Variants in FBXL3 observed in about 807,000 individuals in gnomAD.
FBXL3 encodes the protein F-box/LRR-repeat protein 3.
A neutral mutation model predicts 37.9 loss-of-function variants in FBXL3; 14 were observed. That is an observed-to-expected ratio of 0.37 (90% CI 0.24 to 0.58). FBXL3 has a LOEUF of 0.58. FBXL3 is among the 20% of genes least tolerant of loss of function. The pLI is 0.74. For synonymous variants in FBXL3, 194 were observed against 180.1 expected (o/e 1.08, Z -0.62); for missense variants, 327 against 511.1 (o/e 0.64, Z 3.47).
chr13:77,013,780 TC>T (rs1460842023), intron 4 of FBXL3: 1 of 152,118 alleles, frequency 6.6e-6, no homozygotes, highest in African/African-American at 2.4e-5. Context: ...TCATTGCAAT[TC>T]CCATCTTGAT....
chr13:77,012,625 T>A (rs934897546), intron 4 of FBXL3, among the ~76,000 whole-genome samples: 1 of 152,174 alleles, frequency 6.6e-6, no homozygotes, highest in Non-Finnish European at 1.5e-5. Context: ...AGAAAATTGA[T>A]TAAATGTTCA....
rs1280969853 is a variant in FBXL3 at position 77,017,938 on chromosome 13, T to C, written c.471+662A>G. ...AAAATATCAAATTATTGTTGGATAC[T>C]AACCTATTAACCATTAGCTAACATA... On this transcript the variant is annotated intron_variant, in intron 3 of 4. Coordinates refer to ENST00000355619, the MANE Select transcript of FBXL3 (RefSeq NM_012158.4). The C allele has an allele frequency of 2.6e-5, 4 of 152,246 alleles. No homozygotes were observed. In the East Asian group the frequency reaches 7.7e-4, roughly 29 times the overall value. The allele number at this position is 152,246 out of a possible 1,614,324, so 9.4% of individuals were successfully genotyped here. A position where few individuals can be genotyped will look rare whatever the true frequency, so the allele number is the denominator to read the frequency against.
chr13:77,009,507 G>A (rs1277519922), intron 4 of FBXL3: 2 of 152,044 alleles, frequency 1.3e-5, no homozygotes, highest in East Asian at 3.9e-4. Context: ...TATATACTTT[G>A]AAATATACTC....
At chr13:77,021,483 A>T in intron 2 of FBXL3, 30 bp downstream of exon 2, 1 of 1,529,884 alleles carries the variant, frequency 6.5e-7, no homozygotes, top group Non-Finnish European at 8.9e-7. Context: ...AAAATACTTT[A>T]TTTTTTAAAA....
intron 1 of FBXL3, among the ~76,000 whole-genome samples, chr13:77,024,603 T>C (rs527674099): frequency 1.3e-5 from 2 of 152,328 alleles, no homozygotes; most frequent in East Asian, 3.9e-4. Context: ...AAATAGAAAC[T>C]TTCTTTTGTC....
At position 77,021,758 on chromosome 13, in the gene FBXL3, C is replaced by T. The variant is rs2034748081; in HGVS notation, c.103G>A (p.Asp35Asn). The T allele has an allele frequency of 6.2e-7, 1 of 1,613,656 alleles. No homozygotes were observed. The highest frequency in any genetic ancestry group is 1.3e-5 in the African/African-American group (1 of 74,940). ...RTTNEHSQTCDWGNLLQDIIL... is the reference protein window; with the variant it reads ...RTTNEHSQTCNWGNLLQDIIL... ...ATGTCCTGAAGGAGATTACCCCAAT[C>T]ACAAGTCTGAGAATGCTCATTTGTA... The change falls in exon 2 of 5, where the codon GAT (aspartate) becomes AAT (asparagine). Residue 35 changes from aspartate (D) to asparagine (N), a missense_variant. Coordinates refer to ENST00000355619, the MANE Select transcript of FBXL3 (RefSeq NM_012158.4).
rs1593936340 is a variant in FBXL3 at position 77,023,286 on chromosome 13, A to C, written c.-1-1425T>G. Among the ~76,000 whole-genome samples, 10 of 152,128 alleles carry C rather than the reference A, an allele frequency of 6.6e-5. No homozygotes were observed. In the South Asian group the frequency reaches 2.1e-3, roughly 32 times the overall value. ...GCAATCCTTCCACCTCAGCCTCCAG[A>C]GTATCTGCATGCACCACCACACCCG... On this transcript the variant is annotated intron_variant, in intron 1 of 4. Coordinates refer to ENST00000355619, the MANE Select transcript of FBXL3 (RefSeq NM_012158.4).
At chr13:77,010,895 T>C (rs1012425586) in intron 4 of FBXL3, 3 of 152,246 alleles carry the variant, frequency 2.0e-5, no homozygotes, top group African/African-American at 7.2e-5. Context: ...TAAATGGGTG[T>C]TGGTTTAAGC....
chr13:77,007,069 T>C lies in FBXL3; in HGVS notation c.*76A>G, dbSNP rs1039635264. On this transcript the variant is annotated 3_prime_UTR_variant, in exon 5 of 5. Transcript: ENST00000355619. The stretch of plus-strand genomic sequence containing the variant: ...TCTGTGCCACAAAATAGTAGAATTA[T>C]ATCAGAACTACAGCAAATAAAACTT... 6.0e-6 allele frequency: 9 copies of C among 1,496,932 alleles called. No individual in the cohort carries two copies. The highest frequency in any genetic ancestry group is 8.0e-6 in the Non-Finnish European group (9 of 1,131,450). 92.7% of individuals were successfully genotyped at this position (1,496,932 alleles called of 1,614,324 possible).
intron 1 of FBXL3, chr13:77,026,377 G>A (rs1293073138): frequency 1.3e-5 from 13 of 985,086 alleles, no homozygotes; most frequent in Non-Finnish European, 1.3e-5. Context: ...TTTCTCATGC[G>A]CCCCACCCTG....
chr13:77,006,820 C>A lies in FBXL3; in HGVS notation c.*325G>T. ...TAGAGAATATAACATTTCAGAAAACCTATTAGTACTTCTTGGATATTATAA... is the reference window on the plus strand; with the variant it reads ...TAGAGAATATAACATTTCAGAAAACATATTAGTACTTCTTGGATATTATAA... On this transcript the variant is annotated 3_prime_UTR_variant, in exon 5 of 5. Coordinates refer to ENST00000355619, the MANE Select transcript of FBXL3 (RefSeq NM_012158.4). 1 of 1,058,012 alleles carries A rather than the reference C, an allele frequency of 9.5e-7. No individual in the cohort carries two copies. The highest frequency in any genetic ancestry group is 3.8e-5 in the South Asian group (1 of 26,336). 65.5% of individuals were successfully genotyped at this position (1,058,012 alleles called of 1,614,324 possible). A position where few individuals can be genotyped will look rare whatever the true frequency, so the allele number is the denominator to read the frequency against.
intron 4 of FBXL3, chr13:77,014,600 TAGG>T (rs1566229150): frequency 2.6e-5 from 4 of 152,206 alleles, no homozygotes; most frequent in African/African-American, 9.6e-5. Flanking sequence ...AATCATTTCT[TAGG>T]AGAAGGCTGA....
chr13:77,007,786 T>C lies in FBXL3; in HGVS notation c.646A>G (p.Ile216Val). The C allele has an allele frequency of 6.4e-7, 1 of 1,551,698 alleles. No individual in the cohort carries two copies. Among genetic ancestry groups the C allele is most frequent in the Non-Finnish European group, 8.7e-7 (1 of 1,150,382 alleles). ...TGACACTGATCAGCCACACAAAGGA[T>C]ACCTTGAAAGAAAAAAAAAATTATT... ...SSCPHVSPAG[I>V]LCVADQCHGL... Residue 216 changes from isoleucine to valine, a missense_variant and splice_region_variant, in exon 5 of 5, where the codon ATC becomes GTC. Ile to Val is a conservative substitution (Grantham distance 29, BLOSUM62 3). Transcript: ENST00000355619.
intron 1 of FBXL3, among the ~76,000 whole-genome samples, chr13:77,026,001 T>TATAG (rs113720978): frequency 6.6e-6 from 1 of 151,386 alleles, no homozygotes; most frequent in African/African-American, 2.4e-5. Flanking sequence ...CTACAGGTCA[T>TATAG]ATAGATAGAT....
At chr13:77,012,412 T>A (rs2034570491) in intron 4 of FBXL3, among the ~76,000 whole-genome samples, 1 of 152,162 alleles carries the variant, frequency 6.6e-6, no homozygotes, top group Non-Finnish European at 1.5e-5. Context: ...AGCAAACTGC[T>A]ATAAGCCAAT....
intron 3 of FBXL3, chr13:77,017,321 A>G (rs1002832883): frequency 3.3e-5 from 5 of 152,248 alleles, no homozygotes. Context: ...AATATGGTAT[A>G]CATACATACC....
At chr13:77,011,623 T>C (rs915106729) in intron 4 of FBXL3, among the ~76,000 whole-genome samples, 2 of 150,070 alleles carry the variant, frequency 1.3e-5, no homozygotes, top group Non-Finnish European at 3.0e-5. Flanking sequence ...CTTGGGAGGC[T>C]GAGGTGAGAA....
At position 77,008,349 on chromosome 13, in the gene FBXL3, C is replaced by T. The variant is rs75148201; in HGVS notation, c.644-561G>A. On this transcript the variant is annotated intron_variant, in intron 4 of 4. Transcript: ENST00000355619. ...CTTATTAAACTTATAAGAAAAAATA[C>T]CAAGATATCACTAAGTATGTCAAAA... Among the ~76,000 whole-genome samples, 683 of 152,210 alleles carry T rather than the reference C, an allele frequency of 4.5e-3. 4 individuals are homozygous for T. Among genetic ancestry groups the T allele is most frequent in the Middle Eastern group, 0.014 (4 of 294 alleles).
chr13:77,008,284 A>G (rs2034488018), intron 4 of FBXL3, among the ~76,000 whole-genome samples: 1 of 152,268 alleles, frequency 6.6e-6, no homozygotes, highest in Non-Finnish European at 1.5e-5. Flanking sequence ...TAAAGATTCT[A>G]TCAAATGATC....
Sources: allele counts gnomAD v4.1 joint callset (sites outside exome capture counted in the v4.1 genomes callset), GRCh38; gene constraint gnomAD v4.1.1; transcripts MANE v1.5; gene names NCBI Gene and HGNC (gene_info 2026-07-23, HGNC 2026-07-21).